The following IL1RAPL2 variants were observed in gnomAD, a reference collection of about 807,000 sequenced individuals.
IL1RAPL2 encodes interleukin 1 receptor accessory protein like 2.
A neutral mutation model predicts 44.1 loss-of-function variants in IL1RAPL2; 3 were observed. That is an observed-to-expected ratio of 0.07 (90% CI 0.03 to 0.18). The LOEUF (loss-of-function observed/expected upper bound fraction) is 0.18. Ranked by LOEUF, IL1RAPL2 falls within the 10% of genes least tolerant of loss-of-function variation. The probability of loss-of-function intolerance (pLI) is 1.00; values close to 1 mark genes in which losing one functional copy is unlikely to be tolerated. For missense variants in IL1RAPL2, 391 were observed against 496.4 expected (o/e 0.79, Z 2.02); for synonymous variants, 181 against 178.8 (o/e 1.01, Z -0.10).
At chrX:105,459,229 A>G (rs977904321) in intron 5 of IL1RAPL2, among the ~76,000 whole-genome samples, 6 of 110,712 alleles carry the variant, frequency 5.4e-5, no homozygotes, top group African/African-American at 2.0e-4. Flanking sequence ...TTAGTTCAAC[A>G]TAGAATAAAT....
At chrX:104,600,227 T>G (rs1385051870) in intron 1 of IL1RAPL2, among the ~76,000 whole-genome samples, 3 of 112,050 alleles carry the variant, frequency 2.7e-5, no homozygotes, top group Non-Finnish European at 5.6e-5. Flanking sequence ...AATTTGTTTC[T>G]TAGAGGTATC....
intron 5 of IL1RAPL2, among the ~76,000 whole-genome samples, chrX:105,439,483 A>AGACC (rs1376290391): frequency 9.9e-6 from 1 of 101,424 alleles, no homozygotes; most frequent in Non-Finnish European, 2.0e-5. Context: ...GAAGTGCCCA[A>AGACC]GACCGTTCCC....
chrX:105,267,940 T>A (rs1333873966), intron 5 of IL1RAPL2, among the ~76,000 whole-genome samples: 1 of 111,842 alleles, frequency 8.9e-6, no homozygotes, highest in Admixed American at 9.5e-5. Context: ...GAAATCTTCT[T>A]AGACTGCATC....
At chrX:104,828,899 C>T (rs1019162762) in intron 2 of IL1RAPL2, among the ~76,000 whole-genome samples, 2 of 112,585 alleles carry the variant, frequency 1.8e-5, no homozygotes, top group African/African-American at 3.2e-5. Flanking sequence ...CTGCCTAGTC[C>T]GAACTTCCTG....
At chrX:104,835,497 C>T (rs1921719181) in intron 2 of IL1RAPL2, among the ~76,000 whole-genome samples, 1 of 111,816 alleles carries the variant, frequency 8.9e-6, no homozygotes, top group Non-Finnish European at 1.9e-5. Context: ...TCATTACTTC[C>T]TAATTGCTTG....
chrX:104,616,272 C>T (rs1929276757), intron 1 of IL1RAPL2, among the ~76,000 whole-genome samples: 1 of 112,004 alleles, frequency 8.9e-6, no homozygotes, highest in Admixed American at 9.4e-5. Context: ...ACTGCCTTTG[C>T]AACATTATGA....
At chrX:105,664,289 C>T (rs910856174) in intron 6 of IL1RAPL2, among the ~76,000 whole-genome samples, 1 of 111,641 alleles carries the variant, frequency 9.0e-6, no homozygotes, top group East Asian at 2.8e-4. Context: ...AAAAGTGCCA[C>T]AAAGAACATT....
chrX:104,736,521 A>G (rs1932015678), intron 2 of IL1RAPL2, among the ~76,000 whole-genome samples: 1 of 111,963 alleles, frequency 8.9e-6, no homozygotes, highest in Non-Finnish European at 1.9e-5. Flanking sequence ...TGTTTTAGAG[A>G]TATAAGACCA....
At chrX:105,559,366 T>C (rs935342667) in intron 6 of IL1RAPL2, among the ~76,000 whole-genome samples, 1 of 112,516 alleles carries the variant, frequency 8.9e-6, no homozygotes, top group African/African-American at 3.2e-5. Flanking sequence ...TGACAAGTTC[T>C]GAATCAGGAG....
intron 2 of IL1RAPL2, among the ~76,000 whole-genome samples, chrX:105,148,686 G>A (rs186645227): frequency 1.8e-5 from 2 of 111,601 alleles, no homozygotes; most frequent in East Asian, 5.7e-4. Context: ...TCCTTGAATA[G>A]CAAGAAAATT....
chrX:104,723,815 C>A (rs1019015993), intron 2 of IL1RAPL2, among the ~76,000 whole-genome samples: 5 of 111,120 alleles, frequency 4.5e-5, no homozygotes, highest in African/African-American at 1.6e-4. Context: ...AGTGTCTCCC[C>A]TGAGTTTCCT....
intron 6 of IL1RAPL2, among the ~76,000 whole-genome samples, chrX:105,603,631 A>T: frequency 8.9e-6 from 1 of 111,796 alleles, no homozygotes; most frequent in South Asian, 3.7e-4. Flanking sequence ...AGATCTAGAT[A>T]GAAAATCAAC....
chrX:105,220,633 G>A (rs782592290), intron 3 of IL1RAPL2: 7 of 331,532 alleles, frequency 2.1e-5, no homozygotes, highest in African/African-American at 1.0e-4. Context: ...GGCCAACCCC[G>A]CTGTCTTAAC....
At chrX:105,299,315 C>T (rs2034678079) in intron 5 of IL1RAPL2, among the ~76,000 whole-genome samples, 1 of 111,473 alleles carries the variant, frequency 9.0e-6, no homozygotes, top group Admixed American at 9.5e-5. Flanking sequence ...TACACTGAAA[C>T]ATCAGGTTGT....
At chrX:105,418,105 T>A (rs1000744573) in intron 5 of IL1RAPL2, among the ~76,000 whole-genome samples, 1 of 111,276 alleles carries the variant, frequency 9.0e-6, no homozygotes, top group Non-Finnish European at 1.9e-5. Context: ...TTATCATTTT[T>A]TCAGCTTTAA....
At chrX:105,076,518 T>A (rs1184016614) in intron 2 of IL1RAPL2, among the ~76,000 whole-genome samples, 1 of 111,686 alleles carries the variant, frequency 9.0e-6, no homozygotes, top group Non-Finnish European at 1.9e-5. Context: ...ATGTATATTC[T>A]GTTGATTTGG....
At chrX:105,035,966 A>G (rs1399343326) in intron 2 of IL1RAPL2, among the ~76,000 whole-genome samples, 1 of 111,480 alleles carries the variant, frequency 9.0e-6, no homozygotes, top group Non-Finnish European at 1.9e-5. Context: ...TTTTTTTTGT[A>G]TAAGAGTCTT....
chrX:104,612,653 T>C (rs1270933605), intron 1 of IL1RAPL2, among the ~76,000 whole-genome samples: 1 of 107,825 alleles, frequency 9.3e-6, no homozygotes, highest in African/African-American at 3.3e-5. Flanking sequence ...CTTTGGGTAG[T>C]CAATCTCTTT....
chrX:105,048,302 CACTT>C lies in IL1RAPL2; in HGVS notation c.83-147167_83-147164del, dbSNP rs201422173. Among the ~76,000 whole-genome samples the C allele has an allele frequency of 1.4e-3, 161 of 112,123 alleles. No homozygotes were observed. The East Asian group carries it at 0.033, about 23-fold the overall frequency. On this transcript the variant is annotated intron_variant, in intron 2 of 10. Transcript: ENST00000372582. ...TTGCAGCACTACTTCAATATTATTT[CACTT>C]ACTTAATGTATTTTCATGCTTAATG...
Sources: allele counts gnomAD v4.1 joint callset (sites outside exome capture counted in the v4.1 genomes callset), GRCh38; gene constraint gnomAD v4.1.1; transcripts MANE v1.5; gene names NCBI Gene and HGNC (gene_info 2026-07-23, HGNC 2026-07-21).